Variants in CACNA1A observed in about 807,000 individuals in gnomAD.
CACNA1A encodes calcium voltage-gated channel subunit alpha1 A.
A neutral mutation model predicts 262.4 loss-of-function variants in CACNA1A; 57 were observed. The ratio of observed to expected loss-of-function variants is 0.22; its 90% CI spans 0.18 to 0.27. CACNA1A has a LOEUF of 0.27. Ranked by LOEUF, CACNA1A falls within the 10% of genes least tolerant of loss-of-function variation. The pLI is 1.00. For missense variants in CACNA1A, 2,526 were observed against 3,562.8 expected, an observed-to-expected ratio of 0.71 and a Z score of 7.41; for synonymous variants, 1,431 against 1,419.3, an observed-to-expected ratio of 1.01 and a Z score of -0.18.
chr19:13,264,839 T>C (rs2056824931), intron 24 of CACNA1A, among the ~76,000 whole-genome samples: 1 of 152,024 alleles, frequency 6.6e-6, no homozygotes. Context: ...AGGCTTACAG[T>C]GTAATCTACT....
chr19:13,210,577 G>GCC, intron 44 of CACNA1A, 40 bp downstream of exon 44: 1 of 1,542,342 alleles, frequency 6.5e-7, no homozygotes, highest in Non-Finnish European at 8.8e-7. Flanking sequence ...GGAAGAGGGG[G>GCC]CCGGAGCCCT....
intron 22 of CACNA1A, chr19:13,277,989 A>G (rs1471953840): frequency 6.6e-6 from 1 of 152,058 alleles, no homozygotes; most frequent in Non-Finnish European, 1.5e-5. Context: ...TTGGGAGGCC[A>G]AGGCGTGACA....
At chr19:13,400,589 G>C (rs970484023) in intron 3 of CACNA1A, among the ~76,000 whole-genome samples, 6 of 152,172 alleles carry the variant, frequency 3.9e-5, no homozygotes, top group African/African-American at 1.4e-4. Context: ...ACTTGTGCTA[G>C]AGTGTAAGAT....
chr19:13,345,397 A>G (rs1600385368), intron 6 of CACNA1A, among the ~76,000 whole-genome samples: 1 of 152,270 alleles, frequency 6.6e-6, no homozygotes, highest in East Asian at 1.9e-4. Flanking sequence ...TTTTAAGTAA[A>G]TAACAATGGG....
At chr19:13,403,298 G>A (rs2059942866) in intron 3 of CACNA1A, among the ~76,000 whole-genome samples, 1 of 152,014 alleles carries the variant, frequency 6.6e-6, no homozygotes, top group Non-Finnish European at 1.5e-5. Flanking sequence ...CATTCTAAGA[G>A]GTTTATACAT....
rs756160567 is a variant in CACNA1A, at chr19:13,255,146, C to T, written c.4704G>A (p.Glu1568=). 1.2e-6 allele frequency: 2 copies of T among 1,613,820 alleles called. No homozygotes were observed. The highest frequency in any genetic ancestry group is 1.1e-5 in the South Asian group (1 of 91,084). ...MWQFVVSPPF[E]YTIMAMIALN... ...GGGCGATCATGGCCATGATCGTGTACTCGAAAGGCGGAGACACCACGAACT... is the reference window on the plus strand; with the variant it reads ...GGGCGATCATGGCCATGATCGTGTATTCGAAAGGCGGAGACACCACGAACT... The change falls in exon 29 of 47, where the codon GAG becomes GAA. Residue 1568 remains glutamate, a synonymous_variant. Coordinates refer to ENST00000360228, the MANE Select transcript of CACNA1A (RefSeq NM_001127222.2).
chr19:13,336,694 C>T (rs560715596), intron 6 of CACNA1A, among the ~76,000 whole-genome samples: 55 of 150,920 alleles, frequency 3.6e-4, no homozygotes, highest in South Asian at 1.7e-3. Flanking sequence ...CTGGCACCTT[C>T]CTAAGCACAT....
chr19:13,463,011 T>C (rs1426283750), intron 1 of CACNA1A, among the ~76,000 whole-genome samples: 1 of 152,134 alleles, frequency 6.6e-6, no homozygotes, highest in Non-Finnish European at 1.5e-5. Context: ...TCCTCTCACC[T>C]TGGCCTTTCA....
At chr19:13,235,328 G>C in intron 32 of CACNA1A, 54 bp from the exon 33 acceptor site, 1 of 1,480,966 alleles carries the variant, frequency 6.8e-7, no homozygotes, top group Non-Finnish European at 9.2e-7. Context: ...CAGCCGCACT[G>C]TCTTCCTCCC....
In CACNA1A at chr19:13,477,004, A is replaced by C. The variant is rs1434467112; in HGVS notation, c.294-21792T>G. 2.0e-5 allele frequency among the ~76,000 whole-genome samples: 3 copies of C among 152,078 alleles called. No homozygotes were observed. In the East Asian group the frequency reaches 5.8e-4, roughly 29 times the overall value. On this transcript the variant is annotated intron_variant, in intron 1 of 46. Transcript: ENST00000360228. ...CCCAGCTCCCTCAGAGCAAAAGCCA[A>C]AGTCCTCCCCGCAGCCCATAAGGCC... is the stretch of plus-strand genomic sequence containing the variant.
At chr19:13,244,930 G>T in intron 31 of CACNA1A, 1 of 536,038 alleles carries the variant, frequency 1.9e-6, no homozygotes. Flanking sequence ...CCTAGGCCAG[G>T]ATGCAGGAAA....
At chr19:13,386,872 T>C (rs1383175836) in intron 3 of CACNA1A, among the ~76,000 whole-genome samples, 1 of 152,088 alleles carries the variant, frequency 6.6e-6, no homozygotes, top group South Asian at 2.1e-4. Context: ...ACAGTGACGA[T>C]GTTAGAGTGG....
intron 3 of CACNA1A, among the ~76,000 whole-genome samples, chr19:13,395,320 A>G (rs2059791124): frequency 6.8e-6 from 1 of 147,972 alleles, no homozygotes; most frequent in African/African-American, 2.5e-5. Context: ...AAAAGAAATG[A>G]TCTGGCTGGG....
At chr19:13,344,203 G>C (rs1357201587) in intron 6 of CACNA1A, among the ~76,000 whole-genome samples, 1 of 127,994 alleles carries the variant, frequency 7.8e-6, no homozygotes, top group African/African-American at 3.0e-5. Flanking sequence ...ACCACAGTGA[G>C]ACTCTGTCTC....
intron 3 of CACNA1A, among the ~76,000 whole-genome samples, chr19:13,406,676 CAG>C (rs1305849608): frequency 6.7e-6 from 1 of 150,070 alleles, no homozygotes; most frequent in Admixed American, 6.7e-5. Flanking sequence ...CTGCACTGGG[CAG>C]AGAGGGTGGG....
chr19:13,231,924 A>G (rs1294834103), intron 34 of CACNA1A, 64 bp from the exon 35 acceptor site: 3 of 1,534,544 alleles, frequency 2.0e-6, no homozygotes, highest in Non-Finnish European at 2.7e-6. Flanking sequence ...ACGCCTCCCC[A>G]GGAGGTGGAG....
At chr19:13,501,239 G>A (rs552813519) in intron 1 of CACNA1A, among the ~76,000 whole-genome samples, 3 of 151,068 alleles carry the variant, frequency 2.0e-5, no homozygotes, top group East Asian at 2.0e-4. Context: ...GTACAGTGGT[G>A]CAATCTCGGC....
In CACNA1A at chr19:13,464,543, A is replaced by ATTTTTTTTTTTTTTTTTT. The variant is rs540418372; in HGVS notation, c.294-9349_294-9332dup. 6.8e-4 allele frequency among the ~76,000 whole-genome samples: 88 copies of ATTTTTTTTTTTTTTTTTT among 128,946 alleles called. 3 individuals carry two copies. The highest frequency in any genetic ancestry group is 2.6e-3 in the African/African-American group (82 of 32,076). 84.6% of individuals were successfully genotyped at this position (128,946 alleles called of 152,430 possible). The stretch of plus-strand genomic sequence containing the variant: ...CTGCTAATAGTAAATAACTTTTCCA[A>ATTTTTTTTTTTTTTTTTT]TTTTTTTTTTTTTTTTTTTTTTAGA... On this transcript the variant is annotated intron_variant, in intron 1 of 46. Coordinates refer to ENST00000360228, the MANE Select transcript of CACNA1A (RefSeq NM_001127222.2).
chr19:13,287,526 T>G (rs1168393605), intron 19 of CACNA1A, among the ~76,000 whole-genome samples: 2 of 152,006 alleles, frequency 1.3e-5, no homozygotes, highest in Non-Finnish European at 2.9e-5. Flanking sequence ...TTCTTTTCTT[T>G]CTTTCTTTCT....
Sources: gnomAD v4.1 joint callset for allele counts (sites outside exome capture counted in the v4.1 genomes callset) on GRCh38, gnomAD v4.1.1 for gene constraint, MANE v1.5 for transcripts, NCBI Gene and HGNC (gene_info 2026-07-23, HGNC 2026-07-21) for gene names.